Variants in KCNMB3 observed in about 807,000 individuals in gnomAD.
KCNMB3 encodes calcium-activated potassium channel subunit beta-3.
In KCNMB3, 18 loss-of-function variants were observed where a neutral mutation model predicts 11.9. That is an observed-to-expected ratio of 1.51 (90% CI 1.04 to 2.23). The LOEUF (loss-of-function observed/expected upper bound fraction) is 2.23. KCNMB3 is among the 30% of genes most tolerant of loss of function. The pLI, the probability that KCNMB3 is intolerant of heterozygous loss-of-function variation, is 0.00. For synonymous variants in KCNMB3, 78 were observed against 119.2 expected (o/e 0.65, Z 2.25); for missense variants, 247 against 329.4 (o/e 0.75, Z 1.94).
At chr3:179,255,174 T>A (rs1246115166), upstream of KCNMB3, among the ~76,000 whole-genome samples, 3 of 134,360 alleles carry the variant, frequency 2.2e-5, no homozygotes, top group South Asian at 2.5e-4. Context: ...CAAAAAAAAA[T>A]GAATAAATAA....
chr3:179,260,682 T>G, intron 1 of KCNMB3: 1 of 1,372,918 alleles, frequency 7.3e-7, no homozygotes, highest in South Asian at 1.2e-5. Context: ...GAATTTAGGA[T>G]TATTCCATGT....
intron 1 of KCNMB3, among the ~76,000 whole-genome samples, chr3:179,262,450 G>T (rs186716684): frequency 7.7e-4 from 117 of 152,272 alleles, no homozygotes; most frequent in African/African-American, 2.5e-3. Flanking sequence ...GCAGACCTTC[G>T]CAGTGAGTGT....
chr3:179,253,463 T>G (rs1725914214), upstream of KCNMB3, among the ~76,000 whole-genome samples: 2 of 152,188 alleles, frequency 1.3e-5, no homozygotes, highest in Non-Finnish European at 2.9e-5. Flanking sequence ...AAGAAGTTAT[T>G]TCATGTGTGG....
intron 1 of KCNMB3, among the ~76,000 whole-genome samples, 186 bp from the exon 2 acceptor site, chr3:179,244,879 T>G (rs1432380459): frequency 6.6e-6 from 1 of 151,906 alleles, no homozygotes; most frequent in Non-Finnish European, 1.5e-5. Flanking sequence ...AGACACAGAG[T>G]TGGGGTAAAG....
At chr3:179,263,155 G>A (rs1726274252) in intron 1 of KCNMB3, among the ~76,000 whole-genome samples, 1 of 152,240 alleles carries the variant, frequency 6.6e-6, no homozygotes, top group Non-Finnish European at 1.5e-5. Context: ...GGAGGCGGGG[G>A]GAGGCTCAGG....
At chr3:179,246,766 G>A (rs1725657434) in intron 1 of KCNMB3, among the ~76,000 whole-genome samples, 3 of 152,148 alleles carry the variant, frequency 2.0e-5, no homozygotes. Flanking sequence ...TCTAAATCTT[G>A]ACCGAGTACT....
upstream of KCNMB3, chr3:179,251,445 G>T: frequency 2.8e-6 from 4 of 1,419,926 alleles, no homozygotes; most frequent in Non-Finnish European, 3.7e-6. Flanking sequence ...CCACTGCCCA[G>T]TCCACTCAGA....
At chr3:179,260,513 C>T (rs1232601004) in intron 1 of KCNMB3, 11 of 1,604,286 alleles carry the variant, frequency 6.9e-6, no homozygotes, top group Non-Finnish European at 8.5e-6. Flanking sequence ...TCCCCACATT[C>T]GCCACGATTT....
At position 179,244,705 on chromosome 3, in the gene KCNMB3, A is replaced by AG. The variant is rs757356280; in HGVS notation, c.249-13_249-12insC. The stretch of plus-strand genomic sequence containing the variant: ...CTTCTCTCTGAATGCTTCAATTTGA[A>AG]AAAAAAAAAATGTTCTTCACTTATT... On this transcript the variant is annotated splice_polypyrimidine_tract_variant and intron_variant, in intron 1 of 2. Transcript: ENST00000392685. 6.3e-6 allele frequency: 10 copies of AG among 1,583,176 alleles called. No homozygotes were observed. The African/African-American group carries it at 1.2e-4, about 19-fold the overall frequency.
chr3:179,261,708 G>T (rs1016574963), intron 1 of KCNMB3, among the ~76,000 whole-genome samples: 11 of 152,232 alleles, frequency 7.2e-5, no homozygotes, highest in African/African-American at 2.7e-4. Context: ...CTCTTGAGAT[G>T]CTGGGCAGTG....
chr3:179,263,374 C>G (rs900787474), intron 1 of KCNMB3, among the ~76,000 whole-genome samples: 3 of 152,358 alleles, frequency 2.0e-5, no homozygotes, highest in Non-Finnish European at 4.4e-5. Flanking sequence ...AGCCCGGGTT[C>G]CCGCCCGCGC....
chr3:179,245,517 G>GTT (rs1397564566), intron 1 of KCNMB3, among the ~76,000 whole-genome samples: 1 of 149,744 alleles, frequency 6.7e-6, no homozygotes, highest in Non-Finnish European at 1.5e-5. Flanking sequence ...ATTTTTTTGG[G>GTT]GGGGGGGATG....
At chr3:179,247,834 A>T (rs1725696226) in intron 1 of KCNMB3, among the ~76,000 whole-genome samples, 1 of 152,018 alleles carries the variant, frequency 6.6e-6, no homozygotes, top group African/African-American at 2.4e-5. Context: ...AATCATAAAT[A>T]ACAGAAGTAG....
chr3:179,252,929 A>G (rs992436822), upstream of KCNMB3, among the ~76,000 whole-genome samples: 2 of 151,906 alleles, frequency 1.3e-5, no homozygotes, highest in Admixed American at 6.6e-5. Context: ...ACGGGGTTTC[A>G]CTGTGTTAGC....
At chr3:179,244,418 G>A in intron 2 of KCNMB3, 77 bp downstream of exon 2, 1 of 1,184,036 alleles carries the variant, frequency 8.4e-7, no homozygotes, top group Admixed American at 1.7e-5. Context: ...ACAGCCCTGG[G>A]TTATTTATGT....
At chr3:179,253,602 T>C (rs998574502), upstream of KCNMB3, among the ~76,000 whole-genome samples, 1 of 152,134 alleles carries the variant, frequency 6.6e-6, no homozygotes, top group Admixed American at 6.5e-5. Context: ...GCTCAGGAGT[T>C]TGAGACCAGC....
At chr3:179,256,476 T>C (rs1054574233), upstream of KCNMB3, among the ~76,000 whole-genome samples, 1 of 151,950 alleles carries the variant, frequency 6.6e-6, no homozygotes, top group African/African-American at 2.4e-5. Context: ...ATAATAATAA[T>C]AGTAATTATC....
In KCNMB3 at chr3:179,249,996, A is replaced by G. The variant is rs1360698370; in HGVS notation, c.248+747T>C. 7.2e-5 allele frequency among the ~76,000 whole-genome samples: 11 copies of G among 152,188 alleles called. No homozygotes were observed. In the East Asian group the frequency reaches 2.1e-3, roughly 29 times the overall value. On this transcript the variant is annotated intron_variant, in intron 1 of 2. Coordinates refer to ENST00000392685, the MANE Select transcript of KCNMB3 (RefSeq NM_171830.2). ...CACCATGGCACACGTTTACCTTTGT[A>G]ACAAACCTGCACATTCTGTACATGT...
At chr3:179,251,335 A>G (rs1725837294), upstream of KCNMB3, 1 of 1,439,350 alleles carries the variant, frequency 6.9e-7, no homozygotes, top group Non-Finnish European at 9.1e-7. Context: ...ATGACTCAAA[A>G]AGTTCACATT....
Sources: allele counts gnomAD v4.1 joint callset (sites outside exome capture counted in the v4.1 genomes callset), GRCh38; gene constraint gnomAD v4.1.1; transcripts MANE v1.5; gene names NCBI Gene and HGNC (gene_info 2026-07-23, HGNC 2026-07-21).